The following GFOD1 variants were observed in gnomAD, a reference collection of about 807,000 sequenced individuals.
The protein encoded by GFOD1 is Gfo/Idh/MocA-like oxidoreductase domain containing 1.
GFOD1 carries 9 observed loss-of-function variants against 25.4 expected under a neutral mutation model. The observed-to-expected ratio is 0.35, with a 90% CI of 0.21 to 0.62. GFOD1 has a LOEUF of 0.62. GFOD1 is among the 20% of genes least tolerant of loss of function. The probability of loss-of-function intolerance (pLI) is 0.72; values close to 1 mark genes in which losing one functional copy is unlikely to be tolerated. For synonymous variants in GFOD1, 253 were observed against 245.6 expected, an observed-to-expected ratio of 1.03 and a Z score of -0.28; for missense variants, 403 against 556.9, an observed-to-expected ratio of 0.72 and a Z score of 2.78.
intron 1 of GFOD1, among the ~76,000 whole-genome samples, chr6:13,409,169 A>AAGAAAAG (rs1786014291): frequency 1.9e-5 from 1 of 53,266 alleles, no homozygotes; most frequent in African/African-American, 4.7e-5. Flanking sequence ...AAAGAAAGGA[A>AAGAAAAG]AGAGAGAGAG....
intron 1 of GFOD1, among the ~76,000 whole-genome samples, chr6:13,468,280 T>TTATC (rs1193488974): frequency 6.6e-6 from 1 of 152,102 alleles, no homozygotes; most frequent in Non-Finnish European, 1.5e-5. Flanking sequence ...ATATAGGAAA[T>TTATC]TATCATAAGA....
intron 1 of GFOD1, among the ~76,000 whole-genome samples, chr6:13,438,302 G>A (rs1239382911): frequency 6.6e-6 from 1 of 152,178 alleles, no homozygotes; most frequent in East Asian, 1.9e-4. Context: ...TAAGAATGAA[G>A]AGAAAGGGAA....
In GFOD1 at chr6:13,364,702, C is replaced by A; in HGVS notation, c.*41G>T. On this transcript the variant is annotated 3_prime_UTR_variant, in exon 2 of 2. Transcript: ENST00000379287. This position sits in a 1 kb window ranked among gnomAD's most constrained non-coding sequence, Gnocchi z 4.1. Reference sequence around the variant, plus strand: ...TCGGCCCTTCCCTCTCTGTGGACATCCCCTGCAGAAGGCTCAAGTCCCCGA... The same window carrying A: ...TCGGCCCTTCCCTCTCTGTGGACATACCCTGCAGAAGGCTCAAGTCCCCGA... 5 of 1,530,288 alleles carry A rather than the reference C, an allele frequency of 3.3e-6. No homozygotes were observed. Among genetic ancestry groups the A allele is most frequent in the Non-Finnish European group, 4.5e-6 (5 of 1,120,424 alleles). 94.8% of individuals were successfully genotyped at this position (1,530,288 alleles called of 1,614,324 possible). A position where few individuals can be genotyped will look rare whatever the true frequency, so the allele number is the denominator to read the frequency against.
chr6:13,470,357 C>T, intron 1 of GFOD1: 6 of 1,555,588 alleles, frequency 3.9e-6, no homozygotes, highest in Non-Finnish European at 5.2e-6. Flanking sequence ...CAGACAAATG[C>T]AGCATTGTGG....
At chr6:13,460,153 T>C (rs1758266962) in intron 1 of GFOD1, among the ~76,000 whole-genome samples, 1 of 151,834 alleles carries the variant, frequency 6.6e-6, no homozygotes, top group Non-Finnish European at 1.5e-5. Context: ...AAATAAAAAG[T>C]CAAGAAATAA....
chr6:13,486,496 G>T, intron 1 of GFOD1, 142 bp downstream of exon 1: 1 of 720,256 alleles, frequency 1.4e-6, no homozygotes, highest in Non-Finnish European at 2.3e-6. Context: ...CTCTGAGTCG[G>T]ATCTGGGATC....
chr6:13,404,473 C>T (rs996188815), intron 1 of GFOD1, among the ~76,000 whole-genome samples: 3 of 152,168 alleles, frequency 2.0e-5, no homozygotes, highest in African/African-American at 7.2e-5. Context: ...AACACGTGAG[C>T]CTGAACCTCA....
intron 1 of GFOD1, among the ~76,000 whole-genome samples, chr6:13,389,945 C>T (rs981559241): frequency 6.6e-6 from 1 of 152,074 alleles, no homozygotes; most frequent in East Asian, 1.9e-4. Context: ...ATTTCCTCTG[C>T]TCAGTCATCA....
At chr6:13,368,327 T>C (rs116756505) in intron 1 of GFOD1, among the ~76,000 whole-genome samples, 31 of 152,166 alleles carry the variant, frequency 2.0e-4, no homozygotes, top group African/African-American at 7.5e-4. Context: ...GAAATAGCAG[T>C]GAGAAGCTCT....
intron 1 of GFOD1, among the ~76,000 whole-genome samples, chr6:13,379,545 G>A (rs1259162536): frequency 6.6e-6 from 1 of 152,146 alleles, no homozygotes; most frequent in South Asian, 2.1e-4. Context: ...GCAAGCAACC[G>A]ACTCTGTCTA....
At chr6:13,391,665 T>C (rs1390601847) in intron 1 of GFOD1, among the ~76,000 whole-genome samples, 2 of 152,200 alleles carry the variant, frequency 1.3e-5, no homozygotes, top group Non-Finnish European at 2.9e-5. Flanking sequence ...TGGGAAAGGA[T>C]GCCAGCAGGC....
intron 1 of GFOD1, among the ~76,000 whole-genome samples, chr6:13,418,291 C>G (rs1316350279): frequency 6.6e-6 from 1 of 152,154 alleles, no homozygotes; most frequent in African/African-American, 2.4e-5. Context: ...CTGGAAGAAA[C>G]AGCCACTTCT....
chr6:13,459,774 G>A (rs1758260128), intron 1 of GFOD1, among the ~76,000 whole-genome samples: 1 of 152,206 alleles, frequency 6.6e-6, no homozygotes, highest in African/African-American at 2.4e-5. Flanking sequence ...GATCGTTAGA[G>A]AAATGCAAAT....
intron 1 of GFOD1, among the ~76,000 whole-genome samples, chr6:13,394,896 G>A (rs1785696538): frequency 6.6e-6 from 1 of 151,998 alleles, no homozygotes; most frequent in Admixed American, 6.5e-5. Flanking sequence ...GCCTCCCAAA[G>A]TGCTGGGATT....
At chr6:13,485,310 C>A (rs1013395899) in intron 1 of GFOD1, among the ~76,000 whole-genome samples, 1 of 152,212 alleles carries the variant, frequency 6.6e-6, no homozygotes, top group African/African-American at 2.4e-5. Context: ...TATATTTCAC[C>A]TACCCTGAAT....
rs1758820657 is a variant in GFOD1, at chr6:13,484,436, A to C, written c.253+2202T>G. On this transcript the variant is annotated intron_variant, in intron 1 of 1. Transcript: ENST00000379287. ...GAACCTTCAACAGTGACTGTAAAGC[A>C]AACCAAGACGACCACCCCACTGTGC... Among the ~76,000 whole-genome samples the C allele has an allele frequency of 2.6e-5, 4 of 152,328 alleles. No individual in the cohort carries two copies. In the South Asian group the frequency reaches 8.3e-4, roughly 32 times the overall value.
intron 1 of GFOD1, among the ~76,000 whole-genome samples, chr6:13,434,851 G>T (rs1584649932): frequency 6.6e-6 from 1 of 152,220 alleles, no homozygotes; most frequent in South Asian, 2.1e-4. Flanking sequence ...GCAAAACGTG[G>T]TTGGAAAAAT....
At chr6:13,432,855 A>G (rs546973956) in intron 1 of GFOD1, among the ~76,000 whole-genome samples, 2 of 152,216 alleles carry the variant, frequency 1.3e-5, no homozygotes, top group Non-Finnish European at 2.9e-5. Context: ...TGCATATCCC[A>G]CCAAACCTTC....
Position 13,364,046 on chromosome 6 carries a change from TTTGC to T in GFOD1, c.*693_*696del, listed in dbSNP as rs1429096852. ...CTTGTGGCTCCTGGGAGTCCTGCTT[TTTGC>T]TTGCTATTTCTGACCTCTCTTTCTC... On this transcript the variant is annotated 3_prime_UTR_variant, in exon 2 of 2. Coordinates refer to ENST00000379287, the MANE Select transcript of GFOD1 (RefSeq NM_018988.4). This position sits in a 1 kb window ranked among gnomAD's most constrained non-coding sequence, Gnocchi z 4.1. 8.5e-5 allele frequency: 13 copies of T among 152,216 alleles called. No individual in the cohort carries two copies. The highest frequency in any genetic ancestry group is 7.2e-4 in the Admixed American group (11 of 15,286). 9.4% of individuals were successfully genotyped at this position (152,216 alleles called of 1,614,324 possible).
Sources: allele counts gnomAD v4.1 joint callset (sites outside exome capture counted in the v4.1 genomes callset), GRCh38; gene constraint gnomAD v4.1.1; non-coding constraint Gnocchi (gnomAD v3.1); transcripts MANE v1.5; gene names NCBI Gene and HGNC (gene_info 2026-07-23, HGNC 2026-07-21).